NEK10: variants seen among roughly 807,000 people sequenced by gnomAD.
The protein encoded by NEK10 is NIMA related kinase 10.
In NEK10, 122 loss-of-function variants were observed where a neutral mutation model predicts 159.8. The ratio of observed to expected loss-of-function variants is 0.76; its 90% CI spans 0.66 to 0.89. NEK10 has a LOEUF of 0.89. Ranked by LOEUF, NEK10 falls within the 40% of genes least tolerant of loss-of-function variation. The pLI, the probability that NEK10 is intolerant of heterozygous loss-of-function variation, is 0.00. For missense variants in NEK10, 1,342 were observed against 1,323.1 expected, an observed-to-expected ratio of 1.01 and a Z score of -0.22; for synonymous variants, 466 against 457.1, an observed-to-expected ratio of 1.02 and a Z score of -0.25.
chr3:27,299,984 G>A (rs1313178144), intron 13 of NEK10, among the ~76,000 whole-genome samples: 1 of 152,220 alleles, frequency 6.6e-6, no homozygotes, highest in Non-Finnish European at 1.5e-5. Flanking sequence ...TTGGACTGTG[G>A]ACTTCTGAGT....
At chr3:27,214,841 G>A in intron 23 of NEK10, 1 of 1,211,872 alleles carries the variant, frequency 8.3e-7, no homozygotes, top group African/African-American at 1.5e-5. Context: ...ATGGAGCCTG[G>A]AAATCATGTG....
chr3:27,188,007 T>A (rs1051179073), intron 26 of NEK10, among the ~76,000 whole-genome samples: 3 of 152,216 alleles, frequency 2.0e-5, no homozygotes, highest in Non-Finnish European at 4.4e-5. Flanking sequence ...CCTAACTAGC[T>A]GGATGAACTT....
rs530011564 is a variant in NEK10 at position 27,247,007 on chromosome 3, T to G, written c.2090+9289A>C. Among the ~76,000 whole-genome samples the G allele has an allele frequency of 1.2e-4, 18 of 152,218 alleles. No individual in the cohort carries two copies. In the South Asian group the frequency reaches 3.5e-3, roughly 30 times the overall value. On this transcript the variant is annotated intron_variant, in intron 23 of 35. Coordinates refer to ENST00000691995, the MANE Select transcript of NEK10 (RefSeq NM_001394966.1). ...CAGTTCTAATAGTTTTTTGGTGGAG[T>G]CGTCAGGTTTTTCCAAATATAAGAT...
intron 22 of NEK10, among the ~76,000 whole-genome samples, chr3:27,258,187 T>C (rs1956414477): frequency 6.6e-6 from 1 of 152,294 alleles, no homozygotes; most frequent in East Asian, 1.9e-4. Context: ...AAAATTTAAA[T>C]AATTTAATAT....
rs140470201 is a variant in NEK10, at chr3:27,106,914, G to T, written c.*4358C>A. Among the ~76,000 whole-genome samples, 1 of 152,116 alleles carries T rather than the reference G, an allele frequency of 6.6e-6. No individual in the cohort carries two copies. Among genetic ancestry groups the T allele is most frequent in the Non-Finnish European group, 1.5e-5 (1 of 68,026 alleles). On this transcript the variant is annotated 3_prime_UTR_variant, in exon 36 of 36. Coordinates refer to ENST00000691995, the MANE Select transcript of NEK10 (RefSeq NM_001394966.1). ...CAAATGACAGCATTTAAACAGTCAC[G>T]TACTTCTGTTATCGCTAAATACAGT... is the stretch of plus-strand genomic sequence containing the variant.
chr3:27,231,649 A>C (rs183530764), intron 23 of NEK10, among the ~76,000 whole-genome samples: 2 of 152,162 alleles, frequency 1.3e-5, no homozygotes, highest in East Asian at 1.9e-4. Flanking sequence ...TCAATTAGCA[A>C]TGAAACTGGA....
At chr3:27,277,125 C>T (rs1311629810) in intron 22 of NEK10, among the ~76,000 whole-genome samples, 2 of 152,188 alleles carry the variant, frequency 1.3e-5, no homozygotes, top group East Asian at 3.9e-4. Context: ...ACCTTGCCTC[C>T]CATCTTTGAA....
At chr3:27,219,591 G>A (rs1951887949) in intron 23 of NEK10, among the ~76,000 whole-genome samples, 1 of 152,116 alleles carries the variant, frequency 6.6e-6, no homozygotes, top group Non-Finnish European at 1.5e-5. Context: ...TTCTACTTTT[G>A]GGTTGAGCTT....
chr3:27,293,718 GAATTAACAGGAAGTAAA>G (rs1169384854), intron 15 of NEK10, 66 bp from the exon 16 acceptor site: 8 of 846,930 alleles, frequency 9.4e-6, no homozygotes, highest in Non-Finnish European at 1.5e-5. Flanking sequence ...TTTCAGGAAA[GAATTAACAGGAAGTAAA>G]CATTAACGTG....
intron 19 of NEK10, among the ~76,000 whole-genome samples, chr3:27,289,734 AC>A (rs2042867348): frequency 6.6e-6 from 1 of 152,250 alleles, no homozygotes; most frequent in African/African-American, 2.4e-5. Flanking sequence ...AGATGACCAT[AC>A]AAACACATGA....
At chr3:27,238,644 G>T (rs1253538324) in intron 23 of NEK10, among the ~76,000 whole-genome samples, 1 of 151,386 alleles carries the variant, frequency 6.6e-6, no homozygotes, top group Non-Finnish European at 1.5e-5. Flanking sequence ...TATGCCATTG[G>T]TAACCTATTT....
At chr3:27,206,707 G>A (rs555110587) in intron 23 of NEK10, 26 of 781,920 alleles carry the variant, frequency 3.3e-5, no homozygotes, top group African/African-American at 2.8e-4. Context: ...AACCACTGAC[G>A]AAAATAGGGT....
In NEK10 at chr3:27,174,706, C is replaced by T. The variant is rs55780680; in HGVS notation, c.2633G>A (p.Arg878Lys). 0.016 allele frequency: 25,641 copies of T among 1,613,272 alleles called. 3,464 individuals are homozygous for T. In the African/African-American group the frequency reaches 0.3, roughly 19 times the overall value. Residue 878 changes from arginine (R) to lysine (K), a missense_variant, in exon 27 of 36, where the codon AGG becomes AAG. Coordinates refer to ENST00000691995, the MANE Select transcript of NEK10 (RefSeq NM_001394966.1). ...ATCTGACAGGATTTCGTCACAGGCC[C>T]TGTCTTCGTCTTTACCATAGGAGGC... ...FQASYGKDED[R>K]ACDEILSDDN...
intron 25 of NEK10, among the ~76,000 whole-genome samples, chr3:27,195,167 G>T (rs1949455581): frequency 6.6e-6 from 1 of 152,190 alleles, no homozygotes; most frequent in South Asian, 2.1e-4. Flanking sequence ...TTTTAGGAAT[G>T]ATTATAATAA....
intron 1 of NEK10, among the ~76,000 whole-genome samples, chr3:27,355,861 T>C (rs546734481): frequency 5.3e-5 from 8 of 152,308 alleles, no homozygotes; most frequent in African/African-American, 1.9e-4. Context: ...CCATGTTGGC[T>C]TTCTAGAGAG....
intron 12 of NEK10, 119 bp downstream of exon 12, chr3:27,304,628 A>G: frequency 3.0e-6 from 2 of 676,032 alleles, no homozygotes; most frequent in Non-Finnish European, 5.3e-6. Context: ...AGCATGAATT[A>G]CCAAAGAAAT....
intron 23 of NEK10, among the ~76,000 whole-genome samples, chr3:27,214,454 C>T (rs1434410848): frequency 6.6e-6 from 1 of 152,186 alleles, no homozygotes; most frequent in African/African-American, 2.4e-5. Context: ...GCTAGTTTCC[C>T]TCCTCCTGTA....
At chr3:27,234,767 TA>T (rs1559662120) in intron 23 of NEK10, among the ~76,000 whole-genome samples, 2 of 152,048 alleles carry the variant, frequency 1.3e-5, no homozygotes, top group Non-Finnish European at 2.9e-5. Context: ...AAAGCTATTT[TA>T]AAATTCATAT....
chr3:27,157,452 A>C (rs963296780), intron 30 of NEK10, among the ~76,000 whole-genome samples: 1 of 152,182 alleles, frequency 6.6e-6, no homozygotes, highest in African/African-American at 2.4e-5. Flanking sequence ...TGTAGTAGAA[A>C]TAGCAAGAGA....
Sources: allele counts gnomAD v4.1 joint callset (sites outside exome capture counted in the v4.1 genomes callset), GRCh38; gene constraint gnomAD v4.1.1; transcripts MANE v1.5; gene names NCBI Gene and HGNC (gene_info 2026-07-23, HGNC 2026-07-21).